SLC66A2: variants seen among roughly 807,000 people sequenced by gnomAD.
SLC66A2 encodes the protein PQ loop repeat containing 1.
In SLC66A2, 23 loss-of-function variants were observed where a neutral mutation model predicts 25.5. That is an observed-to-expected ratio of 0.90 (90% CI 0.65 to 1.28). SLC66A2 has a LOEUF of 1.28. Ranked by LOEUF, SLC66A2 falls within the 50% of genes most tolerant of loss-of-function variation. The probability of loss-of-function intolerance (pLI) is 0.00; values close to 1 mark genes in which losing one functional copy is unlikely to be tolerated. For missense variants in SLC66A2, 396 were observed against 373.1 expected, an observed-to-expected ratio of 1.06 and a Z score of -0.51; for synonymous variants, 193 against 166.5, an observed-to-expected ratio of 1.16 and a Z score of -1.23.
chr18:79,925,611 C>A lies in SLC66A2; in HGVS notation c.392-6211G>T, dbSNP rs540336176. Among the ~76,000 whole-genome samples, 132 of 152,346 alleles carry A rather than the reference C, an allele frequency of 8.7e-4. 1 individual carries two copies. The South Asian group carries it at 0.019, about 22-fold the overall frequency. The stretch of plus-strand genomic sequence containing the variant: ...CACAGACAGATCTCTTCCAGCACCC[C>A]CCATGGGGAGCCCTGTGGGAACAGA... On this transcript the variant is annotated intron_variant, in intron 4 of 5. Transcript: ENST00000397778.
At chr18:79,908,101 A>G (rs1212158531) in intron 5 of SLC66A2, among the ~76,000 whole-genome samples, 2 of 152,156 alleles carry the variant, frequency 1.3e-5, no homozygotes, top group Non-Finnish European at 2.9e-5. Flanking sequence ...ACTTTCACAC[A>G]TATTTTAAAT....
rs988397655 is a variant in SLC66A2 at position 79,927,243 on chromosome 18, G to A, written c.391+6726C>T. ...GCCCAGACCCGGAGCTGCAGGCAGG[G>A]CTCAGCAGGACCCCAGGCGGGCACA... On this transcript the variant is annotated intron_variant, in intron 4 of 5. Transcript: ENST00000397778. The surrounding 1 kb of genome is among the most constrained non-coding windows in gnomAD (Gnocchi z 6.2). Among the ~76,000 whole-genome samples the A allele has an allele frequency of 6.6e-6, 1 of 152,028 alleles. No individual in the cohort carries two copies. Among genetic ancestry groups the A allele is most frequent in the Non-Finnish European group, 1.5e-5 (1 of 68,040 alleles).
In SLC66A2 at chr18:79,940,760, G is replaced by A. The variant is rs779777600; in HGVS notation, c.337+2569C>T. Among the ~76,000 whole-genome samples the A allele has an allele frequency of 2.6e-5, 4 of 152,170 alleles. No individual in the cohort carries two copies. The highest frequency in any genetic ancestry group is 3.2e-3 in the Middle Eastern group (1 of 316). ...GGCCTGGCCCATCCACCAAGGGGAC[G>A]TGGACATGTATAAACTCAAACCGGA... On this transcript the variant is annotated intron_variant, in intron 3 of 5. Transcript: ENST00000397778. The surrounding 1 kb of genome is among the most constrained non-coding windows in gnomAD (Gnocchi z 4.1).
intron 4 of SLC66A2, among the ~76,000 whole-genome samples, chr18:79,923,479 T>A (rs1332498827): frequency 1.3e-5 from 2 of 152,108 alleles, no homozygotes; most frequent in African/African-American, 4.8e-5. Flanking sequence ...CCTATTTTAG[T>A]TTCCCCAGGA....
chr18:79,923,872 C>CA lies in SLC66A2; in HGVS notation c.392-4473dup, dbSNP rs531516771. ...TGAACATCATGAGATTCCATCTTTACAAAAAAAATAAAAAATTAGCAGGGT... is the reference window on the plus strand; with the variant it reads ...TGAACATCATGAGATTCCATCTTTACAAAAAAAAATAAAAAATTAGCAGGGT... On this transcript the variant is annotated intron_variant, in intron 4 of 5. Transcript: ENST00000397778. Among the ~76,000 whole-genome samples the CA allele has an allele frequency of 9.4e-4, 143 of 151,452 alleles. 1 individual carries two copies. Among genetic ancestry groups the CA allele is most frequent in the African/African-American group, 3.3e-3 (137 of 41,322 alleles).
At position 79,946,281 on chromosome 18, in the gene SLC66A2, A is replaced by C. The variant is rs183239617; in HGVS notation, c.204-2819T>G. 2.6e-5 allele frequency among the ~76,000 whole-genome samples: 4 copies of C among 152,364 alleles called. No individual in the cohort carries two copies. The East Asian group carries it at 7.7e-4, about 29-fold the overall frequency. ...TTTCAAAAAGCACAGTGTTCCACAAAAGATGCACAAGGAACAAAATGAAAA... is the reference window on the plus strand; with the variant it reads ...TTTCAAAAAGCACAGTGTTCCACAACAGATGCACAAGGAACAAAATGAAAA... On this transcript the variant is annotated intron_variant, in intron 2 of 5. Transcript: ENST00000397778.
At chr18:79,916,230 C>T (rs1291092311) in intron 5 of SLC66A2, among the ~76,000 whole-genome samples, 6 of 114,972 alleles carry the variant, frequency 5.2e-5, no homozygotes, top group African/African-American at 7.2e-5. Context: ...GTACCTGCGG[C>T]ACTCCCGTAC....
intron 3 of SLC66A2, among the ~76,000 whole-genome samples, chr18:79,936,260 A>C (rs1283640400): frequency 6.6e-6 from 1 of 152,204 alleles, no homozygotes; most frequent in African/African-American, 2.4e-5. Context: ...GGCCCAGGCG[A>C]GCCCCCAATG....
chr18:79,922,312 T>C (rs9946431), intron 4 of SLC66A2, among the ~76,000 whole-genome samples: 3,854 of 150,632 alleles, frequency 0.026, 183 homozygotes, highest in African/African-American at 0.088. Context: ...CTAAAATCCT[T>C]CAAATTAATC....
chr18:79,915,180 T>G (rs1023873793), intron 5 of SLC66A2, among the ~76,000 whole-genome samples: 8 of 152,316 alleles, frequency 5.3e-5, no homozygotes, highest in Admixed American at 2.0e-4. Context: ...AAACGCCTTA[T>G]GTGTTCCAGT....
intron 5 of SLC66A2, among the ~76,000 whole-genome samples, chr18:79,905,278 C>T (rs1296542257): frequency 6.6e-6 from 1 of 152,256 alleles, no homozygotes; most frequent in African/African-American, 2.4e-5. Context: ...CCACAGAGGG[C>T]ATTTTCCTCC....
chr18:79,945,956 C>T (rs1050587022), intron 2 of SLC66A2, among the ~76,000 whole-genome samples: 12 of 152,190 alleles, frequency 7.9e-5, no homozygotes, highest in African/African-American at 2.9e-4. Flanking sequence ...CTGGGACACA[C>T]GGAGGCCACT....
At chr18:79,950,397 G>A (rs1045890815) in intron 2 of SLC66A2, among the ~76,000 whole-genome samples, 1 of 152,034 alleles carries the variant, frequency 6.6e-6, no homozygotes, top group African/African-American at 2.4e-5. Flanking sequence ...GAAAAAGGAG[G>A]GCAGGAACGG....
chr18:79,909,368 C>T (rs888414545), intron 5 of SLC66A2, among the ~76,000 whole-genome samples: 8 of 152,122 alleles, frequency 5.3e-5, no homozygotes, highest in African/African-American at 1.9e-4. Context: ...AGGGTGAGTC[C>T]AGAAACTTCA....
At position 79,904,298 on chromosome 18, in the gene SLC66A2, G is replaced by A; in HGVS notation, c.609-115C>T. 1 of 928,586 alleles carries A rather than the reference G, an allele frequency of 1.1e-6. No individual in the cohort carries two copies. The highest frequency in any genetic ancestry group is 1.7e-6 in the Non-Finnish European group (1 of 592,810). The allele number at this position is 928,586 out of a possible 1,614,324, so 57.5% of individuals were successfully genotyped here. On this transcript the variant is annotated intron_variant, in intron 5 of 5. Transcript: ENST00000397778. This position sits in a 1 kb window ranked among gnomAD's most constrained non-coding sequence, Gnocchi z 6.3. ...GACCTGGGGCTCAGGGGCACCCAGG[G>A]GGCTAAGGGGACCCCCAGGCAGTCG...
rs909645659 is a variant in SLC66A2 at position 79,904,436 on chromosome 18, C to T, written c.609-253G>A. 1.1e-4 allele frequency among the ~76,000 whole-genome samples: 17 copies of T among 152,046 alleles called. No individual in the cohort carries two copies. The highest frequency in any genetic ancestry group is 3.9e-4 in the African/African-American group (16 of 41,378). ...GGGGCCAAAGGACACACCCTGACCC[C>T]ACCTGTCCCATGCAACCCCCACCCT... On this transcript the variant is annotated intron_variant, in intron 5 of 5. Coordinates refer to ENST00000397778, the MANE Select transcript of SLC66A2 (RefSeq NM_025078.5). This position sits in a 1 kb window ranked among gnomAD's most constrained non-coding sequence, Gnocchi z 6.3.
chr18:79,943,606 C>G (rs1192653841), intron 2 of SLC66A2, 144 bp from the exon 3 acceptor site: 25 of 929,438 alleles, frequency 2.7e-5, no homozygotes, highest in Non-Finnish European at 3.6e-5. Context: ...CGGAGAGACC[C>G]TGTGTCAGGC....
intron 5 of SLC66A2, among the ~76,000 whole-genome samples, chr18:79,909,856 C>CCA (rs1348671906): frequency 2.1e-5 from 3 of 142,810 alleles, no homozygotes. Context: ...CCAGGCTTCC[C>CCA]CACCATCTCA....
intron 5 of SLC66A2, chr18:79,915,403 C>T (rs904208866): frequency 1.3e-5 from 2 of 152,352 alleles, no homozygotes; most frequent in African/African-American, 4.8e-5. Context: ...TACAACCACA[C>T]ACTCCATCAC....
Sources: gnomAD v4.1 joint callset for allele counts (sites outside exome capture counted in the v4.1 genomes callset) on GRCh38, gnomAD v4.1.1 for gene constraint, Gnocchi (gnomAD v3.1) non-coding constraint, MANE v1.5 for transcripts, NCBI Gene and HGNC (gene_info 2026-07-23, HGNC 2026-07-21) for gene names.